MYO5B: variants seen among roughly 807,000 people sequenced by gnomAD.
The protein encoded by MYO5B is unconventional myosin-Vb.
A neutral mutation model predicts 229.3 loss-of-function variants in MYO5B; 143 were observed. The ratio of observed to expected loss-of-function variants is 0.62; its 90% CI spans 0.54 to 0.72. The LOEUF is 0.72. MYO5B is among the 30% of genes least tolerant of loss of function. The pLI is 0.00. For synonymous variants in MYO5B, 918 were observed against 885.2 expected, an observed-to-expected ratio of 1.04 and a Z score of -0.66; for missense variants, 2,321 against 2,331.0, an observed-to-expected ratio of 1.00 and a Z score of 0.09.
At chr18:50,075,850 C>T (rs73446648) in intron 1 of MYO5B, among the ~76,000 whole-genome samples, 6,878 of 152,288 alleles carry the variant, frequency 0.045, 170 homozygotes, top group African/African-American at 0.062. Flanking sequence ...TCCTTCCTGC[C>T]ACCACCAGTC....
At chr18:50,120,956 A>G (rs190975738) in intron 1 of MYO5B, among the ~76,000 whole-genome samples, 108 of 152,254 alleles carry the variant, frequency 7.1e-4, no homozygotes, top group South Asian at 3.5e-3. Flanking sequence ...GGACTCTTCT[A>G]TCCACCTCCA....
intron 12 of MYO5B, among the ~76,000 whole-genome samples, chr18:49,954,956 C>T (rs4939922): frequency 0.69 from 105,155 of 152,106 alleles, 36,685 homozygotes; most frequent in Middle Eastern, 0.82. Context: ...ATCTCACTTC[C>T]CTCTTCTTTG....
chr18:50,119,816 A>T (rs957177063), intron 1 of MYO5B, among the ~76,000 whole-genome samples: 1 of 152,222 alleles, frequency 6.6e-6, no homozygotes, highest in Non-Finnish European at 1.5e-5. Flanking sequence ...AAAATAAGCT[A>T]GAGAAGGTCT....
intron 4 of MYO5B, among the ~76,000 whole-genome samples, chr18:50,019,437 C>A (rs2026251611): frequency 6.6e-6 from 1 of 152,308 alleles, no homozygotes; most frequent in South Asian, 2.1e-4. Context: ...CAAACACAAT[C>A]CTCTATTTCG....
chr18:49,902,351 A>C (rs1489830712), intron 21 of MYO5B, among the ~76,000 whole-genome samples: 1 of 152,170 alleles, frequency 6.6e-6, no homozygotes. Context: ...ACAGTTCTTA[A>C]TTTAATTGCA....
intron 7 of MYO5B, among the ~76,000 whole-genome samples, chr18:49,986,203 T>C (rs1384394703): frequency 6.6e-6 from 1 of 152,176 alleles, no homozygotes; most frequent in Non-Finnish European, 1.5e-5. Context: ...TTCCTTATTA[T>C]CATGCATCAG....
intron 4 of MYO5B, among the ~76,000 whole-genome samples, chr18:50,019,776 C>G (rs569880614): frequency 7.2e-4 from 109 of 152,292 alleles, no homozygotes; most frequent in African/African-American, 2.5e-3. Context: ...GAGGAAGTCC[C>G]TTTTCCTCCC....
At chr18:49,921,936 G>A (rs1344590771) in intron 17 of MYO5B, among the ~76,000 whole-genome samples, 1 of 152,180 alleles carries the variant, frequency 6.6e-6, no homozygotes, top group Non-Finnish European at 1.5e-5. Context: ...TAATCAAAGA[G>A]GGCCATTGAA....
chr18:50,178,363 A>C (rs188312428), intron 1 of MYO5B, among the ~76,000 whole-genome samples: 1 of 152,322 alleles, frequency 6.6e-6, no homozygotes, highest in African/African-American at 2.4e-5. Flanking sequence ...TGGTGCCATG[A>C]ACTAGCTCAG....
At chr18:49,884,004 C>T (rs1158584798) in intron 22 of MYO5B, among the ~76,000 whole-genome samples, 2 of 152,164 alleles carry the variant, frequency 1.3e-5, no homozygotes, top group African/African-American at 4.8e-5. Flanking sequence ...AACTATAAAA[C>T]TCTCAGAAGA....
chr18:49,936,342 G>A lies in MYO5B; in HGVS notation c.1913C>T (p.Thr638Ile), dbSNP rs764052140. 9 of 1,594,236 alleles carry A rather than the reference G, an allele frequency of 5.6e-6. No homozygotes were observed. In the African/African-American group the frequency reaches 1.2e-4, roughly 21 times the overall value. The change falls in exon 16 of 40, where the codon ACC becomes ATC. Residue 638 changes from threonine (T) to isoleucine (I), a missense_variant. Transcript: ENST00000285039. ...GGTCTCCATGAGCAGATGCAGGGAG[G>A]TACGGAACTAGAGAGACAAAAGCCA... ...HKKTVGHQFR[T>I]SLHLLMETLN...
chr18:49,947,088 T>C (rs1168763928), intron 14 of MYO5B, among the ~76,000 whole-genome samples: 1 of 148,418 alleles, frequency 6.7e-6, no homozygotes, highest in Non-Finnish European at 1.5e-5. Flanking sequence ...CAATGAAAAG[T>C]AGTCACCAAG....
At position 49,849,580 on chromosome 18, in the gene MYO5B, G is replaced by A. The variant is rs768181631; in HGVS notation, c.4302C>T (p.Ala1434=). The A allele has an allele frequency of 7.4e-6, 12 of 1,611,620 alleles. No individual in the cohort carries two copies. In the Middle Eastern group the frequency reaches 1.2e-3, roughly 158 times the overall value. Residue 1434 remains alanine (A), a synonymous_variant, in exon 32 of 40, where the codon GCC becomes GCT. Coordinates refer to ENST00000285039, the MANE Select transcript of MYO5B (RefSeq NM_001080467.3). ...KKQLKIYMKK[A]QDLEAAQALA... The stretch of plus-strand genomic sequence containing the variant: ...ACACCCCCCTACCTTCTAGGTCCTG[G>A]GCTTTCTTCATGTAAATCTTCAGTT...
rs16951327 is a variant in MYO5B at position 49,963,110 on chromosome 18, C to T, written c.1323-80G>A. On this transcript the variant is annotated intron_variant, in intron 10 of 39. Transcript: ENST00000285039. Reference sequence around the variant, plus strand: ...GGGACTTCAACAAAGCTGCTCTGACCCAGGTCTCCCCCGATGCCACTACAG... The same window carrying T: ...GGGACTTCAACAAAGCTGCTCTGACTCAGGTCTCCCCCGATGCCACTACAG... 0.091 allele frequency: 100,743 copies of T among 1,111,444 alleles called. 6,140 individuals carry two copies. Among genetic ancestry groups the T allele is most frequent in the African/African-American group, 0.27 (17,484 of 65,244 alleles). The allele number at this position is 1,111,444 out of a possible 1,614,324, so 68.8% of individuals were successfully genotyped here.
intron 4 of MYO5B, among the ~76,000 whole-genome samples, chr18:50,018,557 G>C (rs183308121): frequency 2.0e-5 from 3 of 152,092 alleles, no homozygotes; most frequent in African/African-American, 7.2e-5. Flanking sequence ...AGCATCTTCC[G>C]GGTAGGCACT....
intron 31 of MYO5B, among the ~76,000 whole-genome samples, chr18:49,853,063 A>G (rs771210106): frequency 1.4e-4 from 22 of 152,168 alleles, no homozygotes; most frequent in Non-Finnish European, 2.9e-4. Context: ...CTCTCTCGCC[A>G]TATCTGGCCT....
intron 16 of MYO5B, among the ~76,000 whole-genome samples, chr18:49,934,152 A>G (rs567266524): frequency 3.8e-4 from 58 of 152,366 alleles, no homozygotes; most frequent in South Asian, 2.7e-3. Flanking sequence ...CTGCCATTAC[A>G]GGCATGAGCC....
At chr18:49,853,675 C>T (rs777188941) in intron 30 of MYO5B, 28 bp from the exon 31 acceptor site, 12 of 1,603,860 alleles carry the variant, frequency 7.5e-6, no homozygotes, top group Middle Eastern at 3.8e-4. Context: ...CAGGTGAGCA[C>T]GTGGCCCAGG....
At chr18:50,031,554 G>A (rs2144374695) in intron 4 of MYO5B, among the ~76,000 whole-genome samples, 1 of 152,280 alleles carries the variant, frequency 6.6e-6, no homozygotes, top group East Asian at 1.9e-4. Flanking sequence ...ATAACACTGT[G>A]CCACAAAGTC....
Sources: gnomAD v4.1 joint callset for allele counts (sites outside exome capture counted in the v4.1 genomes callset) on GRCh38, gnomAD v4.1.1 for gene constraint, MANE v1.5 for transcripts, NCBI Gene and HGNC (gene_info 2026-07-23, HGNC 2026-07-21) for gene names.